INPP5F: variants seen among roughly 807,000 people sequenced by gnomAD.
The protein encoded by INPP5F is phosphatidylinositide 4-phosphatase SAC2.
INPP5F carries 97 observed loss-of-function variants against 137.2 expected under a neutral mutation model. The observed-to-expected ratio is 0.71, with a 90% CI of 0.60 to 0.84. INPP5F has a LOEUF of 0.84. INPP5F is among the 40% of genes least tolerant of loss of function. The probability of loss-of-function intolerance (pLI) is 0.00; values close to 1 mark genes in which losing one functional copy is unlikely to be tolerated. For synonymous variants in INPP5F, 504 were observed against 476.9 expected (o/e 1.06, Z -0.74); for missense variants, 1,271 against 1,371.9 (o/e 0.93, Z 1.16).
At chr10:119,825,934 T>C in intron 19 of INPP5F, 1 of 398,504 alleles carries the variant, frequency 2.5e-6, no homozygotes, top group Non-Finnish European at 4.4e-6. Context: ...AGCATCAACT[T>C]TTCTTTCTTA....
intron 1 of INPP5F, among the ~76,000 whole-genome samples, chr10:119,745,697 TC>T (rs1554884357): frequency 2.2e-5 from 3 of 137,734 alleles, no homozygotes; most frequent in Non-Finnish European, 4.6e-5. Context: ...TCAGGCTCAT[TC>T]CTTTTTTTTT....
intron 1 of INPP5F, among the ~76,000 whole-genome samples, chr10:119,741,189 C>T (rs898816350): frequency 6.6e-6 from 1 of 152,208 alleles, no homozygotes; most frequent in African/African-American, 2.4e-5. Context: ...TCCAGTTCTA[C>T]AGTCAGCCCC....
intron 2 of INPP5F, among the ~76,000 whole-genome samples, chr10:119,767,122 A>C (rs919073765): frequency 6.7e-6 from 1 of 149,242 alleles, no homozygotes; most frequent in African/African-American, 2.5e-5. Context: ...AAAAAAAAAA[A>C]AAAAAAAAAA....
chr10:119,753,222 CTTT>C (rs1400922560), intron 2 of INPP5F, among the ~76,000 whole-genome samples: 5 of 152,056 alleles, frequency 3.3e-5, no homozygotes, highest in Admixed American at 3.3e-4. Flanking sequence ...ACGTATGAAA[CTTT>C]TGAGTTATTT....
intron 1 of INPP5F, among the ~76,000 whole-genome samples, chr10:119,729,086 A>G (rs1293223382): frequency 6.6e-6 from 1 of 152,098 alleles, no homozygotes; most frequent in Non-Finnish European, 1.5e-5. Flanking sequence ...ATTGCCTTAA[A>G]AATAAGATGT....
At chr10:119,826,497 A>G (rs1851765528) in intron 19 of INPP5F, 134 bp from the exon 20 acceptor site, 1 of 687,840 alleles carries the variant, frequency 1.5e-6, no homozygotes. Context: ...TCTGAGGGTT[A>G]TCTGTCAGTT....
intron 2 of INPP5F, among the ~76,000 whole-genome samples, chr10:119,756,678 A>G (rs978321473): frequency 2.6e-5 from 4 of 152,190 alleles, no homozygotes; most frequent in African/African-American, 9.7e-5. Flanking sequence ...ACAAGTCACT[A>G]AAAGACTACA....
intron 1 of INPP5F, among the ~76,000 whole-genome samples, chr10:119,743,646 TG>T (rs1390203938): frequency 5.0e-5 from 1 of 20,124 alleles, no homozygotes; most frequent in Non-Finnish European, 9.0e-5. Context: ...GCTAGGTTGC[TG>T]GGGGCGGGGG....
intron 1 of INPP5F, among the ~76,000 whole-genome samples, chr10:119,728,128 G>T (rs196214): frequency 0.96 from 146,795 of 152,172 alleles, 70,847 homozygotes; most frequent in East Asian, 1. Flanking sequence ...AAACTTTTTT[G>T]GGGGAGGAAA....
At chr10:119,771,882 A>T (rs10527220) in intron 2 of INPP5F, among the ~76,000 whole-genome samples, 488 of 24,102 alleles carry the variant, frequency 0.02, 21 homozygotes, top group Middle Eastern at 0.062. Context: ...ATATATATAT[A>T]TTTTTTTTTT....
intron 19 of INPP5F, among the ~76,000 whole-genome samples, chr10:119,824,519 G>A (rs1196404579): frequency 1.3e-5 from 2 of 152,166 alleles, no homozygotes; most frequent in Non-Finnish European, 2.9e-5. Flanking sequence ...TCGTGCTGTG[G>A]GGAGGGAGGG....
chr10:119,792,731 T>G (rs1589720071), intron 6 of INPP5F, among the ~76,000 whole-genome samples: 1 of 152,320 alleles, frequency 6.6e-6, no homozygotes, highest in East Asian at 1.9e-4. Context: ...GTTTGATGAT[T>G]ATTTTTTTCC....
intron 9 of INPP5F, among the ~76,000 whole-genome samples, chr10:119,800,088 T>C: frequency 6.6e-6 from 1 of 151,688 alleles, no homozygotes; most frequent in East Asian, 1.9e-4. Context: ...ATTAAAATTA[T>C]ATAGGACTTT....
intron 1 of INPP5F, among the ~76,000 whole-genome samples, chr10:119,739,258 T>C (rs1848305262): frequency 6.6e-6 from 1 of 152,196 alleles, no homozygotes; most frequent in South Asian, 2.1e-4. Flanking sequence ...TCATGTGTAA[T>C]ATTTATTGAA....
intron 15 of INPP5F, chr10:119,819,218 CTT>C (rs869037124): frequency 8.6e-3 from 244 of 28,530 alleles, no homozygotes; most frequent in Middle Eastern, 0.028. Flanking sequence ...ATTGAACGTG[CTT>C]TTTTTTTTTT....
At chr10:119,782,873 T>C (rs542691172) in intron 3 of INPP5F, among the ~76,000 whole-genome samples, 1 of 152,216 alleles carries the variant, frequency 6.6e-6, no homozygotes, top group South Asian at 2.1e-4. Flanking sequence ...TGTTTTTCCA[T>C]GTAGAGTTCT....
At position 119,774,466 on chromosome 10, in the gene INPP5F, T is replaced by A. The variant is rs377345168; in HGVS notation, c.179-7169T>A. On this transcript the variant is annotated intron_variant, in intron 2 of 19. Transcript: ENST00000650623. Reference sequence around the variant, plus strand: ...GTGCTTTTCATGTAGATATTAGACCTTTCTTTTATTCATTTGTTTGTTCGT... The same window carrying A: ...GTGCTTTTCATGTAGATATTAGACCATTCTTTTATTCATTTGTTTGTTCGT... Among the ~76,000 whole-genome samples the A allele has an allele frequency of 2.0e-4, 31 of 151,930 alleles. No homozygotes were observed. The East Asian group carries it at 6.0e-3, about 29-fold the overall frequency.
At chr10:119,731,259 A>AT (rs55879625) in intron 1 of INPP5F, among the ~76,000 whole-genome samples, 8,255 of 151,136 alleles carry the variant, frequency 0.055, 292 homozygotes, top group Middle Eastern at 0.13. Flanking sequence ...TCCACCTGGA[A>AT]TTTTTTTTTG....
At chr10:119,814,873 T>C (rs1463694450) in intron 15 of INPP5F, among the ~76,000 whole-genome samples, 1 of 152,142 alleles carries the variant, frequency 6.6e-6, no homozygotes, top group African/African-American at 2.4e-5. Context: ...TCTACTTTTT[T>C]TGTTTTTTTT....
Sources: gnomAD v4.1 joint callset for allele counts (sites outside exome capture counted in the v4.1 genomes callset) on GRCh38, gnomAD v4.1.1 for gene constraint, MANE v1.5 for transcripts, NCBI Gene and HGNC (gene_info 2026-07-23, HGNC 2026-07-21) for gene names.